DYNC2I2: variants seen among roughly 807,000 people sequenced by gnomAD.
DYNC2I2 encodes cytoplasmic dynein 2 intermediate chain 2.
In DYNC2I2, 39 loss-of-function variants were observed where a neutral mutation model predicts 52.0. The ratio of observed to expected loss-of-function variants is 0.75; its 90% CI spans 0.58 to 0.98. The LOEUF is 0.98. DYNC2I2 is among the 50% of genes least tolerant of loss of function. The pLI is 0.00. For missense variants in DYNC2I2, 743 were observed against 728.4 expected (o/e 1.02, Z -0.23); for synonymous variants, 359 against 321.1 (o/e 1.12, Z -1.26).
At chr9:128,672,948 C>T in the DYNC2I2 span, among the ~76,000 whole-genome samples, 5 of 152,048 alleles carry the variant, frequency 3.3e-5, no homozygotes, top group Non-Finnish European at 5.9e-5. Flanking sequence ...GGTGTGAACC[C>T]GGGAGGCGGA....
intron 1 of DYNC2I2, among the ~76,000 whole-genome samples, chr9:128,642,095 G>C (rs1860524562): frequency 6.6e-6 from 1 of 151,644 alleles, no homozygotes; most frequent in African/African-American, 2.4e-5. Flanking sequence ...AGACCATCCT[G>C]GCTAACACGG....
At chr9:128,636,885 G>A (rs1860425584) in intron 3 of DYNC2I2, 33 bp downstream of exon 3, 8 of 1,554,288 alleles carry the variant, frequency 5.1e-6, no homozygotes, top group East Asian at 2.3e-5. Flanking sequence ...CTGGGGTGGC[G>A]AGCTGCCCCT....
intron 1 of DYNC2I2, among the ~76,000 whole-genome samples, 159 bp downstream of exon 1, chr9:128,656,382 G>A (rs752623619): frequency 7.9e-5 from 12 of 151,428 alleles, no homozygotes; most frequent in Non-Finnish European, 1.5e-4. Flanking sequence ...GGAATAAACT[G>A]TAAAGGCAAA....
At chr9:128,660,556 CAACTA>C (rs1564348080), upstream of DYNC2I2, among the ~76,000 whole-genome samples, 1 of 151,550 alleles carries the variant, frequency 6.6e-6, no homozygotes, top group Admixed American at 6.6e-5. Flanking sequence ...CCACCACGCT[CAACTA>C]ATTTTTTGTA....
intron 4 of DYNC2I2, 67 bp downstream of exon 4, chr9:128,636,214 T>C (rs1860408875): frequency 1.9e-6 from 3 of 1,547,990 alleles, no homozygotes; most frequent in Non-Finnish European, 2.6e-6. Context: ...AAAGCTCCCT[T>C]GTGCCCTCTG....
chr9:128,645,975 CCTAA>C (rs1052068896), intron 1 of DYNC2I2, among the ~76,000 whole-genome samples: 2 of 152,152 alleles, frequency 1.3e-5, no homozygotes, highest in African/African-American at 4.8e-5. Context: ...AGAGCAAGGC[CCTAA>C]CTCTCTTCAA....
chr9:128,674,279 C>T, the DYNC2I2 span, among the ~76,000 whole-genome samples: 2,572 of 151,486 alleles, frequency 0.017, 81 homozygotes, highest in African/African-American at 0.059. Flanking sequence ...GGACTACAGG[C>T]GCCCGCCACC....
rs1172235244 is a variant in DYNC2I2, at chr9:128,640,726, C to T, written c.400G>A (p.Gly134Ser). The change falls in exon 2 of 9, where the codon GGC becomes AGC. Residue 134 changes from glycine (G) to serine (S), a missense_variant. Coordinates refer to ENST00000372715, the MANE Select transcript of DYNC2I2 (RefSeq NM_052844.4). ...TGCTCGGTCCAGTTCACCTCGAAGCCATCAAACGCGTGGCTCTGCCAATTC... is the reference window on the plus strand; with the variant it reads ...TGCTCGGTCCAGTTCACCTCGAAGCTATCAAACGCGTGGCTCTGCCAATTC... ...NKNWQSHAFD[G>S]FEVNWTEQQQ... The T allele has an allele frequency of 6.2e-7, 1 of 1,614,222 alleles. No individual in the cohort carries two copies. The highest frequency in any genetic ancestry group is 1.1e-5 in the South Asian group (1 of 91,088).
chr9:128,642,016 G>A (rs921853301), intron 1 of DYNC2I2, among the ~76,000 whole-genome samples: 7 of 151,670 alleles, frequency 4.6e-5, no homozygotes, highest in East Asian at 3.9e-4. Context: ...TGCCGGGCAC[G>A]GTGGCTCACG....
the DYNC2I2 span, among the ~76,000 whole-genome samples, chr9:128,680,155 G>C: frequency 6.6e-6 from 1 of 151,898 alleles, no homozygotes; most frequent in African/African-American, 2.4e-5. Flanking sequence ...CTGCCTCCCG[G>C]GTTCAAGCGA....
the DYNC2I2 span, among the ~76,000 whole-genome samples, chr9:128,676,846 T>TTTTTTG: frequency 6.7e-6 from 1 of 150,030 alleles, no homozygotes; most frequent in Non-Finnish European, 1.5e-5. Context: ...GCTGTTTTTT[T>TTTTTTG]TTTTGTTTTG....
intron 3 of DYNC2I2, 60 bp downstream of exon 3, chr9:128,636,858 A>G (rs1860425023): frequency 7.6e-7 from 1 of 1,319,108 alleles, no homozygotes; most frequent in Non-Finnish European, 1.1e-6. Flanking sequence ...CTACAGAGAC[A>G]AGGCCCAAGG....
the DYNC2I2 span, among the ~76,000 whole-genome samples, chr9:128,664,100 G>A: frequency 4.0e-5 from 6 of 151,808 alleles, no homozygotes; most frequent in Non-Finnish European, 8.8e-5. Context: ...TGGGATTACA[G>A]GTGGCCGCCA....
At chr9:128,672,779 G>T in the DYNC2I2 span, among the ~76,000 whole-genome samples, 1 of 152,144 alleles carries the variant, frequency 6.6e-6, no homozygotes, top group African/African-American at 2.4e-5. Flanking sequence ...TATAATCCCA[G>T]CATTTTGGGA....
intron 1 of DYNC2I2, among the ~76,000 whole-genome samples, chr9:128,654,735 T>G (rs1860783772): frequency 6.6e-6 from 1 of 152,100 alleles, no homozygotes; most frequent in Non-Finnish European, 1.5e-5. Context: ...TGCACTTGAC[T>G]TTTCATCTCC....
At chr9:128,675,271 G>C in the DYNC2I2 span, among the ~76,000 whole-genome samples, 7 of 152,054 alleles carry the variant, frequency 4.6e-5, no homozygotes, top group African/African-American at 1.7e-4. Flanking sequence ...TCCGCCTCCT[G>C]GGTTCCAGCG....
the DYNC2I2 span, among the ~76,000 whole-genome samples, chr9:128,673,756 T>A: frequency 2.6e-5 from 4 of 151,370 alleles, no homozygotes; most frequent in Non-Finnish European, 5.9e-5. Flanking sequence ...TCCGCCCCCC[T>A]AGGCCTCCCA....
At chr9:128,668,264 C>T in the DYNC2I2 span, among the ~76,000 whole-genome samples, 5 of 138,998 alleles carry the variant, frequency 3.6e-5, no homozygotes, top group African/African-American at 1.2e-4. Context: ...CGGCCAGTCT[C>T]GATCTCTTGA....
chr9:128,658,166 CTT>C (rs879729021), upstream of DYNC2I2, among the ~76,000 whole-genome samples: 41 of 138,996 alleles, frequency 2.9e-4, no homozygotes, highest in Non-Finnish European at 3.0e-4. Flanking sequence ...ATAGATGCTA[CTT>C]TTTTTTTTTT....
Sources: gnomAD v4.1 joint callset for allele counts (sites outside exome capture counted in the v4.1 genomes callset) on GRCh38, gnomAD v4.1.1 for gene constraint, MANE v1.5 for transcripts, NCBI Gene and HGNC (gene_info 2026-07-23, HGNC 2026-07-21) for gene names.